The following PRKACA variants were observed in gnomAD, a reference collection of about 807,000 sequenced individuals.
The protein encoded by PRKACA is cAMP-dependent protein kinase catalytic subunit alpha.
PRKACA carries 9 observed loss-of-function variants against 45.8 expected under a neutral mutation model. The observed-to-expected ratio is 0.20, with a 90% CI of 0.12 to 0.34. PRKACA has a LOEUF of 0.34. PRKACA is among the 10% of genes least tolerant of loss of function. The probability of loss-of-function intolerance (pLI) is 1.00; values close to 1 mark genes in which losing one functional copy is unlikely to be tolerated. For synonymous variants in PRKACA, 160 were observed against 178.6 expected, an observed-to-expected ratio of 0.90 and a Z score of 0.83; for missense variants, 238 against 458.6, an observed-to-expected ratio of 0.52 and a Z score of 4.39.
chr19:14,098,773 C>T (rs1428538932), intron 5 of PRKACA, among the ~76,000 whole-genome samples: 40 of 132,414 alleles, frequency 3.0e-4, no homozygotes, highest in African/African-American at 1.1e-3. Flanking sequence ...GGATTACAGG[C>T]GTGAGCCATG....
At chr19:14,105,037 T>C (rs1036994403) in intron 3 of PRKACA, among the ~76,000 whole-genome samples, 1 of 152,286 alleles carries the variant, frequency 6.6e-6, no homozygotes, top group Non-Finnish European at 1.5e-5. Flanking sequence ...TTGAGAACTG[T>C]TGTAAGCATA....
chr19:14,101,562 TAAACA>T (rs1012782416), intron 4 of PRKACA, among the ~76,000 whole-genome samples: 2 of 151,084 alleles, frequency 1.3e-5, no homozygotes, highest in Non-Finnish European at 3.0e-5. Flanking sequence ...GACCTTATCT[TAAACA>T]AAACAAAACA....
intron 5 of PRKACA, among the ~76,000 whole-genome samples, chr19:14,099,216 C>T (rs1261362867): frequency 6.6e-6 from 1 of 152,066 alleles, no homozygotes. Context: ...CACTTGAACC[C>T]GGGAGGCAGA....
In PRKACA at chr19:14,102,948, G is replaced by A. The variant is rs569952224; in HGVS notation, c.238-34C>T. 6 of 1,551,454 alleles carry A rather than the reference G, an allele frequency of 3.9e-6. No homozygotes were observed. The South Asian group carries it at 4.5e-5, about 12-fold the overall frequency. ...GGAAGGAGGGGAGGGCAGAAAGGAG[G>A]GGGAGGTGAGAGGGGCCTCATTTCC... On this transcript the variant is annotated intron_variant, in intron 3 of 9. Transcript: ENST00000308677.
At chr19:14,094,026 G>A (rs896238130) in intron 8 of PRKACA, among the ~76,000 whole-genome samples, 5 of 151,978 alleles carry the variant, frequency 3.3e-5, no homozygotes, top group Non-Finnish European at 7.4e-5. Context: ...TCAAGAGTTA[G>A]TTATTTTAAG....
At chr19:14,107,302 G>T in intron 2 of PRKACA, 46 bp downstream of exon 2, 2 of 1,566,606 alleles carry the variant, frequency 1.3e-6, no homozygotes, top group Non-Finnish European at 1.8e-6. Context: ...AGGGGCTGGG[G>T]GTTAGCAGCT....
intron 1 of PRKACA, among the ~76,000 whole-genome samples, chr19:14,114,975 GCTGGCCTGGCTA>G (rs1453681164): frequency 6.6e-6 from 1 of 152,128 alleles, no homozygotes; most frequent in Non-Finnish European, 1.5e-5. Flanking sequence ...CCCCCTGCAG[GCTGGCCTGGCTA>G]CTGCCCCTGC....
chr19:14,106,458 A>G (rs1977606119), intron 3 of PRKACA, among the ~76,000 whole-genome samples: 1 of 152,098 alleles, frequency 6.6e-6, no homozygotes. Context: ...ATTCGAAACC[A>G]TCCTGGCCAA....
chr19:14,110,159 A>C (rs1436540171), intron 1 of PRKACA, among the ~76,000 whole-genome samples: 1 of 150,808 alleles, frequency 6.6e-6, no homozygotes, highest in African/African-American at 2.4e-5. Context: ...AAAATAAAAC[A>C]ATTAAAAAAT....
rs1555773286 is a variant in PRKACA, at chr19:14,097,495, T to C, written c.643-12A>G. 15 of 1,612,470 alleles carry C rather than the reference T, an allele frequency of 9.3e-6. No individual in the cohort carries two copies. Among genetic ancestry groups the C allele is most frequent in the Non-Finnish European group, 1.3e-5 (15 of 1,179,610 alleles). On this transcript the variant is annotated splice_polypyrimidine_tract_variant and intron_variant, in intron 7 of 9. Coordinates refer to ENST00000308677, the MANE Select transcript of PRKACA (RefSeq NM_002730.4). This position sits in a 1 kb window ranked among gnomAD's most constrained non-coding sequence, Gnocchi z 5.4. ...GCCTTGTTGTAGCCCTGGAGCAAGA[T>C]GGGGGGGCACAGGGTGAGGAGGAGG...
chr19:14,116,931 G>T (rs560217075), intron 1 of PRKACA, among the ~76,000 whole-genome samples: 1 of 151,518 alleles, frequency 6.6e-6, no homozygotes, highest in East Asian at 2.0e-4. Context: ...AGGTGGCTCT[G>T]GGAAATGTTC....
intron 4 of PRKACA, among the ~76,000 whole-genome samples, chr19:14,102,352 C>T (rs1273209159): frequency 2.0e-5 from 3 of 152,068 alleles, no homozygotes; most frequent in Admixed American, 1.3e-4. Flanking sequence ...TCCCAAAGGG[C>T]GCTCAAGACG....
rs1488414014 is a variant in PRKACA at position 14,117,356 on chromosome 19, C to T, written c.46+146G>A. On this transcript the variant is annotated intron_variant, in intron 1 of 9. Coordinates refer to ENST00000308677, the MANE Select transcript of PRKACA (RefSeq NM_002730.4). ...GGGGTACTCTGCGGGCCCGCGGGCC[C>T]CAGCCTTGGACAGGCCGGGGCAAGG... The T allele has an allele frequency of 6.8e-6, 7 of 1,026,772 alleles. 1 individual carries two copies. Among genetic ancestry groups the T allele is most frequent in the Non-Finnish European group, 8.4e-6 (7 of 837,514 alleles). The allele number at this position is 1,026,772 out of a possible 1,614,324, so 63.6% of individuals were successfully genotyped here.
intron 1 of PRKACA, chr19:14,112,713 C>T (rs1967002472): frequency 1.3e-5 from 2 of 152,550 alleles, no homozygotes; most frequent in African/African-American, 4.8e-5. Flanking sequence ...GCCTGCGTGC[C>T]CCAGGGCGGG....
At position 14,092,609 on chromosome 19, in the gene PRKACA, A is replaced by G. The variant is rs1406052067; in HGVS notation, c.*503T>C. On this transcript the variant is annotated 3_prime_UTR_variant, in exon 10 of 10. Transcript: ENST00000308677. Reference sequence around the variant, plus strand: ...AATTCTAGCAAGCAACCCACTGAACATGTCACTAAAAATCTCTCCTTCCCA... The same window carrying G: ...AATTCTAGCAAGCAACCCACTGAACGTGTCACTAAAAATCTCTCCTTCCCA... The G allele has an allele frequency of 1.3e-5, 5 of 395,150 alleles. No individual in the cohort carries two copies. The East Asian group carries it at 1.8e-4, about 14-fold the overall frequency. 24.5% of individuals were successfully genotyped at this position (395,150 alleles called of 1,614,324 possible).
At chr19:14,107,240 G>A in intron 2 of PRKACA, 108 bp downstream of exon 2, 2 of 1,235,914 alleles carry the variant, frequency 1.6e-6, no homozygotes, top group Non-Finnish European at 2.3e-6. Context: ...GGGAGGGTCT[G>A]AAGCCTTCTA....
chr19:14,114,011 G>A (rs1185699894), intron 1 of PRKACA: 2 of 1,173,610 alleles, frequency 1.7e-6, no homozygotes, highest in Non-Finnish European at 2.5e-6. Context: ...CGTTTCCAGG[G>A]CCAGCCAGGG....
chr19:14,098,025 G>C (rs1378271465), intron 5 of PRKACA, 135 bp from the exon 6 acceptor site: 2 of 1,132,390 alleles, frequency 1.8e-6, no homozygotes, highest in African/African-American at 3.1e-5. Flanking sequence ...CTGATTCTTA[G>C]ATAGCCCGAC....
chr19:14,110,928 C>G (rs1051907079), intron 1 of PRKACA, among the ~76,000 whole-genome samples: 1 of 152,232 alleles, frequency 6.6e-6, no homozygotes, highest in Non-Finnish European at 1.5e-5. Flanking sequence ...CTGCCTTCAA[C>G]CCCCTGATGT....
Sources: allele counts gnomAD v4.1 joint callset (sites outside exome capture counted in the v4.1 genomes callset), GRCh38; gene constraint gnomAD v4.1.1; non-coding constraint Gnocchi (gnomAD v3.1); transcripts MANE v1.5; gene names NCBI Gene and HGNC (gene_info 2026-07-23, HGNC 2026-07-21).